Variants in CLHC1 observed in about 807,000 individuals in gnomAD.
CLHC1 encodes clathrin heavy chain linker domain-containing protein 1.
In CLHC1, 72 loss-of-function variants were observed where a neutral mutation model predicts 69.5. The ratio of observed to expected loss-of-function variants is 1.04; its 90% confidence interval spans 0.86 to 1.26. CLHC1 has a LOEUF of 1.26. CLHC1 is among the 50% of genes most tolerant of loss of function. The pLI, the probability that CLHC1 is intolerant of heterozygous loss-of-function variation, is 0.00. For missense variants in CLHC1, 790 were observed against 679.3 expected (o/e 1.16, Z -1.81); for synonymous variants, 223 against 224.3 (o/e 0.99, Z 0.05).
intron 9 of CLHC1, among the ~76,000 whole-genome samples, chr2:55,184,917 AAAAC>A (rs911469998): frequency 3.1e-5 from 2 of 65,322 alleles, no homozygotes; most frequent in African/African-American, 6.8e-5. Context: ...AAAAAAAAAC[AAAAC>A]ACACACACAC....
chr2:55,207,763 T>C lies in CLHC1; in HGVS notation c.899+863A>G, dbSNP rs1036754727. Among the ~76,000 whole-genome samples the C allele has an allele frequency of 7.2e-5, 11 of 152,278 alleles. No individual in the cohort carries two copies. In the South Asian group the frequency reaches 1.0e-3, roughly 14 times the overall value. ...AAGGAATTGAAGATAGCAGGAATGATACACAGTAGGATGTCAACTGTAACA... is the reference window on the plus strand; with the variant it reads ...AAGGAATTGAAGATAGCAGGAATGACACACAGTAGGATGTCAACTGTAACA... On this transcript the variant is annotated intron_variant, in intron 8 of 12. Coordinates refer to ENST00000401408, the MANE Select transcript of CLHC1 (RefSeq NM_152385.4).
intron 4 of CLHC1, chr2:55,216,275 G>C (rs1455806798): frequency 6.7e-6 from 1 of 148,508 alleles, no homozygotes; most frequent in East Asian, 2.0e-4. Flanking sequence ...ACCTGAAAAA[G>C]AGCGAAACTC....
At chr2:55,216,987 G>A (rs1436521681) in intron 4 of CLHC1, among the ~76,000 whole-genome samples, 1 of 150,890 alleles carries the variant, frequency 6.6e-6, no homozygotes, top group Non-Finnish European at 1.5e-5. Flanking sequence ...AGTCTCTACA[G>A]AAAATACAAA....
At position 55,180,547 on chromosome 2, in the gene CLHC1, G is replaced by C; in HGVS notation, c.1347C>G (p.Val449=). The part of the protein sequence containing the change: ...CLCKQGQTHR[V]MEYIQQLKDF... ...CCTTCAACTGCTGTATGTACTCCAT[G>C]ACCCTATGAGTCTGACCCTGTTTAC... Residue 449 remains valine, a synonymous_variant, in exon 11 of 13, where the codon GTC becomes GTG. Coordinates refer to ENST00000401408, the MANE Select transcript of CLHC1 (RefSeq NM_152385.4). 6.2e-7 allele frequency: 1 copy of C among 1,614,052 alleles called. No individual in the cohort carries two copies. The highest frequency in any genetic ancestry group is 8.5e-7 in the Non-Finnish European group (1 of 1,179,962).
In CLHC1 at chr2:55,180,621, T is replaced by C; in HGVS notation, c.1273A>G (p.Ile425Val). Residue 425 changes from isoleucine (I) to valine (V), a missense_variant, in exon 11 of 13, where the codon ATT (isoleucine) becomes GTT (valine). Coordinates refer to ENST00000401408, the MANE Select transcript of CLHC1 (RefSeq NM_152385.4). The part of the protein sequence containing the change: ...NKAKCLALAQ[I>V]VYSECGLHKK... ...TGCAGGCCACATTCACTGTAGACAATCTGAGCTAAAGCCAGGCACTTGGCC... is the reference window on the plus strand; with the variant it reads ...TGCAGGCCACATTCACTGTAGACAACCTGAGCTAAAGCCAGGCACTTGGCC... 6.2e-7 allele frequency: 1 copy of C among 1,614,030 alleles called. No homozygotes were observed. The highest frequency in any genetic ancestry group is 8.5e-7 in the Non-Finnish European group (1 of 1,179,930).
At chr2:55,191,682 T>C (rs1033083736) in intron 9 of CLHC1, among the ~76,000 whole-genome samples, 1 of 151,910 alleles carries the variant, frequency 6.6e-6, no homozygotes, top group Non-Finnish European at 1.5e-5. Flanking sequence ...ATACAATCTA[T>C]AAAACCTACA....
chr2:55,214,657 C>T (rs564229195), intron 4 of CLHC1: 3 of 152,314 alleles, frequency 2.0e-5, no homozygotes, highest in South Asian at 4.1e-4. Context: ...AAAATATCCA[C>T]TGGCTTTATT....
Position 55,217,584 on chromosome 2 carries a change from T to C in CLHC1, c.365+227A>G, listed in dbSNP as rs1335586918. On this transcript the variant is annotated intron_variant, in intron 4 of 12. Coordinates refer to ENST00000401408, the MANE Select transcript of CLHC1 (RefSeq NM_152385.4). ...ATATATATATATATATATATATATATACTAAGAGGTACTATAAACGTTCTC... is the reference window on the plus strand; with the variant it reads ...ATATATATATATATATATATATATACACTAAGAGGTACTATAAACGTTCTC... Among the ~76,000 whole-genome samples the C allele has an allele frequency of 3.0e-3, 292 of 96,286 alleles. 3 individuals are homozygous for C. Among genetic ancestry groups the C allele is most frequent in the African/African-American group, 0.01 (270 of 26,904 alleles). 63.2% of individuals were successfully genotyped at this position (96,286 alleles called of 152,430 possible). A position where few individuals can be genotyped will look rare whatever the true frequency, so the allele number is the denominator to read the frequency against.
intron 9 of CLHC1, among the ~76,000 whole-genome samples, chr2:55,198,843 G>A (rs558587046): frequency 1.3e-5 from 2 of 152,228 alleles, no homozygotes; most frequent in East Asian, 3.9e-4. Flanking sequence ...CACAGGCCAG[G>A]AGAGAGTGGC....
At chr2:55,195,221 T>C (rs148348374) in intron 9 of CLHC1, among the ~76,000 whole-genome samples, 5 of 152,332 alleles carry the variant, frequency 3.3e-5, no homozygotes, top group African/African-American at 1.2e-4. Flanking sequence ...TTACCACCAT[T>C]CCACTCTCCG....
intron 5 of CLHC1, 30 bp downstream of exon 5, chr2:55,212,643 C>A: frequency 2.6e-6 from 4 of 1,548,178 alleles, no homozygotes; most frequent in Non-Finnish European, 3.6e-6. Context: ...ATCAGGATTT[C>A]TCTCAAATAT....
intron 5 of CLHC1, among the ~76,000 whole-genome samples, chr2:55,212,021 A>G (rs1292917415): frequency 6.6e-6 from 1 of 152,218 alleles, no homozygotes; most frequent in Non-Finnish European, 1.5e-5. Flanking sequence ...TCATGCCTTT[A>G]ATCCCAGCAC....
intron 9 of CLHC1, among the ~76,000 whole-genome samples, chr2:55,192,582 T>C (rs1671035139): frequency 6.6e-6 from 1 of 152,174 alleles, no homozygotes; most frequent in African/African-American, 2.4e-5. Flanking sequence ...CAAAACTTAC[T>C]ACTAAGCTAC....
At chr2:55,222,173 T>A in intron 3 of CLHC1, 62 bp downstream of exon 3, 1 of 1,146,676 alleles carries the variant, frequency 8.7e-7, no homozygotes, top group Non-Finnish European at 1.3e-6. Flanking sequence ...GGAATATTGG[T>A]TGTCAACATA....
At chr2:55,208,801 A>G in intron 7 of CLHC1, 91 bp from the exon 8 acceptor site, 1 of 779,008 alleles carries the variant, frequency 1.3e-6, no homozygotes, top group Non-Finnish European at 2.2e-6. Flanking sequence ...CCAACAGCTT[A>G]TTGCTATGGC....
chr2:55,229,262 G>C (rs1675030609), intron 1 of CLHC1, among the ~76,000 whole-genome samples: 1 of 151,954 alleles, frequency 6.6e-6, no homozygotes, highest in Non-Finnish European at 1.5e-5. Flanking sequence ...GGGGGATAGA[G>C]AGTAAGGAAG....
chr2:55,206,001 T>C (rs900782176), intron 9 of CLHC1, among the ~76,000 whole-genome samples: 1 of 152,252 alleles, frequency 6.6e-6, no homozygotes, highest in Admixed American at 6.5e-5. Context: ...GGAGCAAATT[T>C]GACAAAGTAT....
chr2:55,225,678 A>T (rs1222079283), intron 2 of CLHC1: 1 of 152,368 alleles, frequency 6.6e-6, no homozygotes, highest in Non-Finnish European at 1.5e-5. Context: ...CCTCGAATTC[A>T]GTCCTGGATG....
chr2:55,181,596 TA>T lies in CLHC1; in HGVS notation c.1154del (p.Leu385Ter), dbSNP rs771914082. 10 of 1,611,238 alleles carry T rather than the reference TA, an allele frequency of 6.2e-6. No homozygotes were observed. In the African/African-American group the frequency reaches 1.1e-4, roughly 17 times the overall value. On this transcript the variant is annotated frameshift_variant, in exon 10 of 13. Transcript: ENST00000401408. LOFTEE classifies it high-confidence loss of function. ...TTTCCTGTGTAACCCAATTGGTAAC[TA>T]AATCTAACCGTTTTTCTGATAATCC... ...KCGLSEKRLD[L>X]VTNWVTQERL...
Sources: allele counts gnomAD v4.1 joint callset (sites outside exome capture counted in the v4.1 genomes callset), GRCh38; gene constraint gnomAD v4.1.1; transcripts MANE v1.5; gene names NCBI Gene and HGNC (gene_info 2026-07-23, HGNC 2026-07-21).